Variants in PDS5B observed in about 807,000 individuals in gnomAD.
The protein encoded by PDS5B is sister chromatid cohesion protein PDS5 homolog B.
Under a neutral mutation model 184.1 loss-of-function variants are expected in PDS5B, and 51 were observed. The ratio of observed to expected loss-of-function variants is 0.28; its 90% confidence interval spans 0.22 to 0.35. The LOEUF is 0.35. Among genes scored for constraint, PDS5B ranks in the 10% least tolerant of loss-of-function variants. The pLI is 1.00. For synonymous variants in PDS5B, 566 were observed against 569.2 expected (o/e 0.99, Z 0.08); for missense variants, 1,180 against 1,723.3 (o/e 0.68, Z 5.58).
At chr13:32,630,281 G>A (rs1237307457) in intron 1 of PDS5B, among the ~76,000 whole-genome samples, 1 of 152,174 alleles carries the variant, frequency 6.6e-6, no homozygotes. Context: ...TGGAATCTGA[G>A]TGTAAGAACA....
chr13:32,667,321 A>G (rs550095972), intron 6 of PDS5B, among the ~76,000 whole-genome samples: 2 of 152,148 alleles, frequency 1.3e-5, no homozygotes, highest in Middle Eastern at 3.4e-3. Context: ...CTGCTTTTTT[A>G]CAGCTGCCCA....
intron 1 of PDS5B, among the ~76,000 whole-genome samples, chr13:32,589,485 C>T (rs2057741070): frequency 6.6e-6 from 1 of 152,120 alleles, no homozygotes; most frequent in African/African-American, 2.4e-5. Context: ...TCTTGTAGGT[C>T]TCTGTCTCCG....
Position 32,694,940 on chromosome 13 carries a change from G to A in PDS5B, c.1551+636G>A, listed in dbSNP as rs1326076645. 2.0e-5 allele frequency among the ~76,000 whole-genome samples: 3 copies of A among 150,968 alleles called. No individual in the cohort carries two copies. In the South Asian group the frequency reaches 6.2e-4, roughly 31 times the overall value. On this transcript the variant is annotated intron_variant, in intron 14 of 34. Transcript: ENST00000315596. ...CCTGGTCATTTTAAATTGCCTTCAG[G>A]GAAAACAAGAGTATTCTTTTTTCTT... is the stretch of plus-strand genomic sequence containing the variant.
intron 6 of PDS5B, among the ~76,000 whole-genome samples, chr13:32,665,658 T>TAAAAAAAAA (rs1950775226): frequency 6.8e-6 from 1 of 147,776 alleles, no homozygotes. Flanking sequence ...ATGAATTTCT[T>TAAAAAAAAA]AAGAAAGCTA....
At chr13:32,653,691 A>G (rs1256302560) in intron 3 of PDS5B, among the ~76,000 whole-genome samples, 1 of 152,214 alleles carries the variant, frequency 6.6e-6, no homozygotes, top group African/African-American at 2.4e-5. Context: ...CTTAAAGTAG[A>G]TAACATGAGC....
At chr13:32,757,189 G>A (rs1467930541) in intron 26 of PDS5B, among the ~76,000 whole-genome samples, 1 of 151,688 alleles carries the variant, frequency 6.6e-6, no homozygotes, top group Non-Finnish European at 1.5e-5. Context: ...GATTAAAACT[G>A]TTGAAAACTT....
At chr13:32,609,079 C>T (rs1292916759) in intron 1 of PDS5B, among the ~76,000 whole-genome samples, 3 of 152,222 alleles carry the variant, frequency 2.0e-5, no homozygotes, top group Non-Finnish European at 4.4e-5. Flanking sequence ...TTGTCATACA[C>T]ACCTCTTTTA....
chr13:32,611,503 CTTTTTTTTT>C lies in PDS5B; in HGVS notation c.-20+24923_-20+24931del, dbSNP rs35825698. 1.2e-3 allele frequency among the ~76,000 whole-genome samples: 138 copies of C among 110,904 alleles called. 1 individual carries two copies. Among genetic ancestry groups the C allele is most frequent in the African/African-American group, 4.4e-3 (126 of 28,884 alleles). The allele number at this position is 110,904 out of a possible 152,430, so 72.8% of individuals were successfully genotyped here. Reference sequence around the variant, plus strand: ...GATCATTTTATTACTTTGGTTAAAACTTTTTTTTTTTTTTTTTTTTTGGAGACCAGGTCT... The same window carrying C: ...GATCATTTTATTACTTTGGTTAAAACTTTTTTTTTTTTGGAGACCAGGTCT... On this transcript the variant is annotated intron_variant, in intron 1 of 34. Transcript: ENST00000315596.
chr13:32,676,564 G>A (rs551080506), intron 9 of PDS5B, among the ~76,000 whole-genome samples: 3 of 152,002 alleles, frequency 2.0e-5, no homozygotes, highest in Admixed American at 6.6e-5. Context: ...GCCGAAACCC[G>A]CTCTGACTCA....
At chr13:32,745,853 A>G (rs1045938620) in intron 23 of PDS5B, 124 bp from the exon 24 acceptor site, 3 of 753,746 alleles carry the variant, frequency 4.0e-6, no homozygotes, top group South Asian at 1.8e-5. Context: ...GGACACAAAC[A>G]TTCAGATCAC....
chr13:32,665,402 T>G (rs986851361), intron 6 of PDS5B, among the ~76,000 whole-genome samples: 3 of 151,488 alleles, frequency 2.0e-5, no homozygotes, highest in African/African-American at 7.3e-5. Flanking sequence ...CCATCCTGGC[T>G]AACACAGTGA....
At chr13:32,732,051 T>G in intron 19 of PDS5B, 50 bp from the exon 20 acceptor site, 3 of 1,480,552 alleles carry the variant, frequency 2.0e-6, no homozygotes, top group Non-Finnish European at 2.8e-6. Context: ...CTAGCAGAAG[T>G]CTTGTTGATT....
intron 24 of PDS5B, among the ~76,000 whole-genome samples, chr13:32,747,001 A>G (rs141395299): frequency 3.9e-5 from 6 of 152,350 alleles, no homozygotes; most frequent in African/African-American, 1.2e-4. Flanking sequence ...ATACTTTTAT[A>G]AAGACATGAC....
At chr13:32,723,732 A>G (rs893689783) in intron 19 of PDS5B, among the ~76,000 whole-genome samples, 1 of 152,180 alleles carries the variant, frequency 6.6e-6, no homozygotes, top group Admixed American at 6.5e-5. Flanking sequence ...ATCAAATCTG[A>G]TTTATGAGAA....
chr13:32,776,841 A>G lies in PDS5B; in HGVS notation c.*1789A>G, dbSNP rs560420496. On this transcript the variant is annotated 3_prime_UTR_variant, in exon 35 of 35. Coordinates refer to ENST00000315596, the MANE Select transcript of PDS5B (RefSeq NM_015032.4). Reference sequence around the variant, plus strand: ...TTATGAAACAGCCATTTATTTTTTAAAAAGTGTTTTGAATTGTGTCTTAAT... The same window carrying G: ...TTATGAAACAGCCATTTATTTTTTAGAAAGTGTTTTGAATTGTGTCTTAAT... The G allele has an allele frequency of 6.6e-6, 1 of 152,512 alleles. No homozygotes were observed. Among genetic ancestry groups the G allele is most frequent in the South Asian group, 2.1e-4 (1 of 4,826 alleles). 9.4% of individuals were successfully genotyped at this position (152,512 alleles called of 1,614,324 possible).
chr13:32,620,840 G>T (rs926526583), intron 1 of PDS5B, among the ~76,000 whole-genome samples: 1 of 152,096 alleles, frequency 6.6e-6, no homozygotes, highest in Admixed American at 6.5e-5. Flanking sequence ...TTCTACATTT[G>T]TTGACATAGT....
chr13:32,775,726 T>A lies in PDS5B; in HGVS notation c.*674T>A. 4.5e-6 allele frequency: 2 copies of A among 443,502 alleles called. 1 individual carries two copies. Among genetic ancestry groups the A allele is most frequent in the South Asian group, 3.3e-5 (2 of 60,982 alleles). The allele number at this position is 443,502 out of a possible 1,614,324, so 27.5% of individuals were successfully genotyped here. On this transcript the variant is annotated 3_prime_UTR_variant, in exon 35 of 35. Coordinates refer to ENST00000315596, the MANE Select transcript of PDS5B (RefSeq NM_015032.4). ...TCTTGGATTACTTTACACCTCAGTA[T>A]TGATTTGTCCCAGAATTTTCTGGCC...
At chr13:32,624,223 A>G (rs1479546058) in intron 1 of PDS5B, among the ~76,000 whole-genome samples, 1 of 152,004 alleles carries the variant, frequency 6.6e-6, no homozygotes, top group African/African-American at 2.4e-5. Context: ...TTATGTATTT[A>G]TATTTTGCTT....
chr13:32,761,581 G>T (rs1954398655), intron 30 of PDS5B, among the ~76,000 whole-genome samples: 1 of 152,136 alleles, frequency 6.6e-6, no homozygotes, highest in Admixed American at 6.5e-5. Flanking sequence ...TTGGTTTGCT[G>T]TTCCTGTGTT....
Sources: allele counts gnomAD v4.1 joint callset (sites outside exome capture counted in the v4.1 genomes callset), GRCh38; gene constraint gnomAD v4.1.1; transcripts MANE v1.5; gene names NCBI Gene and HGNC (gene_info 2026-07-23, HGNC 2026-07-21).